The following STK3 variants were observed in gnomAD, a reference collection of about 807,000 sequenced individuals.
The protein encoded by STK3 is serine/threonine-protein kinase 3.
STK3 carries 41 observed loss-of-function variants against 58.0 expected under a neutral mutation model. That is an observed-to-expected ratio of 0.71 (90% CI 0.55 to 0.92). The LOEUF is 0.92. STK3 is among the 40% of genes least tolerant of loss of function. STK3 has a pLI of 0.00. For synonymous variants in STK3, 170 were observed against 191.0 expected, an observed-to-expected ratio of 0.89 and a Z score of 0.91; for missense variants, 479 against 602.7, an observed-to-expected ratio of 0.79 and a Z score of 2.15.
chr8:98,850,244 G>C (rs531387373), intron 3 of STK3, among the ~76,000 whole-genome samples: 1 of 152,108 alleles, frequency 6.6e-6, no homozygotes, highest in South Asian at 2.1e-4. Context: ...GACAATCATA[G>C]CACACTACAG....
chr8:98,485,768 G>A (rs1822207117), intron 10 of STK3, among the ~76,000 whole-genome samples: 1 of 152,192 alleles, frequency 6.6e-6, no homozygotes, highest in Non-Finnish European at 1.5e-5. Flanking sequence ...CACAGAGAAG[G>A]CAGGAATAGA....
intron 6 of STK3, among the ~76,000 whole-genome samples, chr8:98,605,212 G>A (rs1012186106): frequency 6.4e-4 from 98 of 152,064 alleles, no homozygotes; most frequent in African/African-American, 2.3e-3. Flanking sequence ...ACATTTTCAG[G>A]TATCTTTATA....
intron 6 of STK3, among the ~76,000 whole-genome samples, chr8:98,617,391 C>A (rs1383982251): frequency 7.3e-6 from 1 of 137,376 alleles, no homozygotes; most frequent in Non-Finnish European, 1.6e-5. Flanking sequence ...CCTAACATCA[C>A]AATTAAAAGA....
chr8:98,585,160 A>G, intron 7 of STK3, among the ~76,000 whole-genome samples: 1 of 151,990 alleles, frequency 6.6e-6, no homozygotes, highest in Non-Finnish European at 1.5e-5. Context: ...TTAGACATGA[A>G]GGCCTTGCCC....
intron 2 of STK3, among the ~76,000 whole-genome samples, chr8:98,771,336 T>C (rs1831305100): frequency 6.6e-6 from 1 of 152,220 alleles, no homozygotes; most frequent in Non-Finnish European, 1.5e-5. Context: ...TTTATTCACC[T>C]GGGATAGCAG....
chr8:98,382,799 C>T (rs1817750593), intron 1 of STK3, among the ~76,000 whole-genome samples: 1 of 152,220 alleles, frequency 6.6e-6, no homozygotes, highest in Non-Finnish European at 1.5e-5. Flanking sequence ...TGAAACTGGG[C>T]CCAACTGATA....
intron 1 of STK3, among the ~76,000 whole-genome samples, chr8:98,886,916 G>A (rs762347404): frequency 6.6e-5 from 10 of 152,168 alleles, no homozygotes; most frequent in Non-Finnish European, 1.5e-4. Flanking sequence ...TGGCCAACAT[G>A]GTGAAACCCC....
chr8:98,462,286 T>C (rs1232973514), intron 10 of STK3, among the ~76,000 whole-genome samples: 1 of 152,058 alleles, frequency 6.6e-6, no homozygotes, highest in Non-Finnish European at 1.5e-5. Flanking sequence ...AAGCAAAAAA[T>C]GTCCATCAAA....
At chr8:98,630,468 C>T (rs1018107309) in intron 6 of STK3, among the ~76,000 whole-genome samples, 5 of 151,884 alleles carry the variant, frequency 3.3e-5, no homozygotes, top group African/African-American at 4.8e-5. Context: ...ACAATGAGAC[C>T]CCATCTCCAC....
At chr8:98,762,318 C>T (rs956591631) in intron 3 of STK3, among the ~76,000 whole-genome samples, 1 of 152,156 alleles carries the variant, frequency 6.6e-6, no homozygotes, top group African/African-American at 2.4e-5. Flanking sequence ...TGCAATGGCA[C>T]AGTCTTGGCT....
intron 6 of STK3, among the ~76,000 whole-genome samples, chr8:98,658,493 GAAGTT>G (rs1299535347): frequency 1.3e-5 from 2 of 152,022 alleles, no homozygotes; most frequent in Non-Finnish European, 1.5e-5. Flanking sequence ...AACTATGTAA[GAAGTT>G]AAGAACCTTA....
At chr8:98,850,153 C>T (rs371855000) in intron 3 of STK3, among the ~76,000 whole-genome samples, 27 of 151,566 alleles carry the variant, frequency 1.8e-4, no homozygotes, top group Non-Finnish European at 2.8e-4. Context: ...AAATGATTTA[C>T]GTATTTATTA....
chr8:98,864,125 G>A (rs925804305), intron 3 of STK3, among the ~76,000 whole-genome samples: 1 of 150,046 alleles, frequency 6.7e-6, no homozygotes, highest in Non-Finnish European at 1.5e-5. Context: ...CATGAATCGG[G>A]AGGCGGAGCT....
intron 3 of STK3, among the ~76,000 whole-genome samples, chr8:98,402,859 G>A (rs569677321): frequency 2.6e-5 from 4 of 152,148 alleles, no homozygotes; most frequent in Non-Finnish European, 5.9e-5. Flanking sequence ...GAGCCCCAGG[G>A]GACTAGCATC....
chr8:98,376,389 A>G (rs757622046), intron 2 of STK3, among the ~76,000 whole-genome samples: 6 of 152,180 alleles, frequency 3.9e-5, no homozygotes, highest in African/African-American at 1.2e-4. Flanking sequence ...TTGTTCTCTT[A>G]GCTGTGTCTG....
chr8:98,545,226 T>C (rs993370536), intron 9 of STK3, among the ~76,000 whole-genome samples: 3 of 152,210 alleles, frequency 2.0e-5, no homozygotes, highest in East Asian at 1.9e-4. Flanking sequence ...CAGACTAGTA[T>C]GGATAAAACA....
chr8:98,622,476 C>T (rs1228662329), intron 6 of STK3, among the ~76,000 whole-genome samples: 2 of 152,008 alleles, frequency 1.3e-5, no homozygotes, highest in African/African-American at 2.4e-5. Flanking sequence ...AAGTAACAAA[C>T]TTTAATGATA....
At chr8:98,912,888 T>C (rs1317215681) in intron 1 of STK3, among the ~76,000 whole-genome samples, 1 of 152,196 alleles carries the variant, frequency 6.6e-6, no homozygotes, top group African/African-American at 2.4e-5. Context: ...TTTTGTTTTT[T>C]TGACAAAGTC....
intron 1 of STK3, among the ~76,000 whole-genome samples, chr8:98,938,109 C>T (rs909785457): frequency 4.0e-5 from 6 of 151,792 alleles, no homozygotes; most frequent in Admixed American, 2.0e-4. Flanking sequence ...TGTTTATATG[C>T]GTTTTCAGTG....
Sources: gnomAD v4.1 joint callset for allele counts (sites outside exome capture counted in the v4.1 genomes callset) on GRCh38, gnomAD v4.1.1 for gene constraint, MANE v1.5 for transcripts, NCBI Gene and HGNC (gene_info 2026-07-23, HGNC 2026-07-21) for gene names.